Variants in MARK2 observed in about 807,000 individuals in gnomAD.
MARK2 encodes the protein serine/threonine-protein kinase MARK2.
A neutral mutation model predicts 89.8 loss-of-function variants in MARK2; 16 were observed. That is an observed-to-expected ratio of 0.18 (90% CI 0.12 to 0.27). The LOEUF (loss-of-function observed/expected upper bound fraction) is 0.27. Ranked by LOEUF, MARK2 falls within the 10% of genes least tolerant of loss-of-function variation. The pLI is 1.00. For synonymous variants in MARK2, 382 were observed against 399.5 expected, an observed-to-expected ratio of 0.96 and a Z score of 0.52; for missense variants, 621 against 1,049.9, an observed-to-expected ratio of 0.59 and a Z score of 5.65.
In MARK2 at chr11:63,909,421, A is replaced by C. The variant is rs1190926133; in HGVS notation, c.*184A>C. 33 of 594,544 alleles carry C rather than the reference A, an allele frequency of 5.6e-5. No individual in the cohort carries two copies. The highest frequency in any genetic ancestry group is 1.9e-4 in the East Asian group (6 of 31,552). 36.8% of individuals were successfully genotyped at this position (594,544 alleles called of 1,614,324 possible). On this transcript the variant is annotated 3_prime_UTR_variant, in exon 19 of 19. Coordinates refer to ENST00000402010, the MANE Select transcript of MARK2 (RefSeq NM_001039469.3). ...TGTGGGGGGTGGGAGATTGTTCTCC[A>C]GCACCCCACATTCACCCCTGCCCAG...
At chr11:63,849,386 C>T (rs564236820) in intron 1 of MARK2, among the ~76,000 whole-genome samples, 2 of 152,324 alleles carry the variant, frequency 1.3e-5, no homozygotes, top group Non-Finnish European at 2.9e-5. Flanking sequence ...GAGCTTATGG[C>T]ACAGCTGAGA....
intron 1 of MARK2, among the ~76,000 whole-genome samples, chr11:63,847,443 G>A (rs972410883): frequency 3.3e-5 from 5 of 152,082 alleles, no homozygotes; most frequent in African/African-American, 1.2e-4. Flanking sequence ...CCACCTTTTT[G>A]GCCTTTTTCT....
intron 1 of MARK2, among the ~76,000 whole-genome samples, chr11:63,848,667 C>T (rs561609385): frequency 5.9e-5 from 9 of 151,942 alleles, no homozygotes; most frequent in African/African-American, 1.7e-4. Flanking sequence ...TCTCCTGCCT[C>T]AGCCTCCCGA....
At chr11:63,858,539 A>T (rs1937592334) in intron 1 of MARK2, among the ~76,000 whole-genome samples, 1 of 151,622 alleles carries the variant, frequency 6.6e-6, no homozygotes, top group Non-Finnish European at 1.5e-5. Context: ...CTTTTAGTAG[A>T]GATAGGGTTT....
intron 1 of MARK2, among the ~76,000 whole-genome samples, chr11:63,862,198 T>C (rs1457139973): frequency 6.6e-6 from 1 of 152,144 alleles, no homozygotes; most frequent in Non-Finnish European, 1.5e-5. Flanking sequence ...GTGCTGGGAT[T>C]ACAGGCATGA....
rs1941134112 is a variant in MARK2, at chr11:63,904,169, GTGCACCTGC to G, written c.1676+26_1676+34del. The G allele has an allele frequency of 6.5e-7, 1 of 1,541,422 alleles. No individual in the cohort carries two copies. The highest frequency in any genetic ancestry group is 8.7e-7 in the Non-Finnish European group (1 of 1,149,780). On this transcript the variant is annotated intron_variant, in intron 15 of 18. Coordinates refer to ENST00000402010, the MANE Select transcript of MARK2 (RefSeq NM_001039469.3). The surrounding 1 kb of genome is among the most constrained non-coding windows in gnomAD (Gnocchi z 6.3). ...CCAGGCAAGTGTGCTGGGGCAGCTG[GTGCACCTGC>G]TGCCCTCAGCCCACCCTACCCCCTT... is the stretch of plus-strand genomic sequence containing the variant.
At chr11:63,852,101 C>A (rs1363685818) in intron 1 of MARK2, among the ~76,000 whole-genome samples, 1 of 152,202 alleles carries the variant, frequency 6.6e-6, no homozygotes, top group African/African-American at 2.4e-5. Context: ...CACCAGTATA[C>A]AGTGGCATTT....
At chr11:63,866,573 T>C (rs529971052) in intron 1 of MARK2, among the ~76,000 whole-genome samples, 85 of 152,340 alleles carry the variant, frequency 5.6e-4, no homozygotes, top group African/African-American at 1.9e-3. Context: ...GAACTCCCAG[T>C]TTCACATTCA....
rs11231610 is a variant in MARK2 at position 63,849,668 on chromosome 11, A to G, written c.54+10108A>G. On this transcript the variant is annotated intron_variant, in intron 1 of 18. Transcript: ENST00000402010. ...CTCGGAAGGCTGAGGCACAAGAATCACTTGAATCTGGGAGGTGGAGGTTGC... is the reference window on the plus strand; with the variant it reads ...CTCGGAAGGCTGAGGCACAAGAATCGCTTGAATCTGGGAGGTGGAGGTTGC... 7.2e-5 allele frequency among the ~76,000 whole-genome samples: 11 copies of G among 152,266 alleles called. No homozygotes were observed. In the East Asian group the frequency reaches 2.1e-3, roughly 29 times the overall value.
At chr11:63,855,720 G>A (rs1352796812) in intron 1 of MARK2, among the ~76,000 whole-genome samples, 2 of 152,136 alleles carry the variant, frequency 1.3e-5, no homozygotes, top group African/African-American at 2.4e-5. Flanking sequence ...ATGTCTCTGT[G>A]AAGTGAGATT....
intron 1 of MARK2, among the ~76,000 whole-genome samples, chr11:63,854,777 C>G (rs1023137793): frequency 6.8e-6 from 1 of 147,564 alleles, no homozygotes; most frequent in Non-Finnish European, 1.5e-5. Flanking sequence ...CACCATTGCA[C>G]TCTAGCCTGG....
chr11:63,868,781 G>A (rs921994318), intron 1 of MARK2: 2 of 455,924 alleles, frequency 4.4e-6, no homozygotes, highest in African/African-American at 4.0e-5. Context: ...CACTAGTGTT[G>A]GGAATATTGT....
chr11:63,894,730 G>T (rs1287663758), intron 1 of MARK2, among the ~76,000 whole-genome samples: 1 of 152,164 alleles, frequency 6.6e-6, no homozygotes, highest in Non-Finnish European at 1.5e-5. Context: ...AAAGGTTCAT[G>T]TAAGTTTTGG....
At position 63,845,509 on chromosome 11, in the gene MARK2, T is replaced by C. The variant is rs1230925061; in HGVS notation, c.54+5949T>C. 2.6e-5 allele frequency among the ~76,000 whole-genome samples: 4 copies of C among 152,168 alleles called. No homozygotes were observed. The East Asian group carries it at 5.8e-4, about 22-fold the overall frequency. On this transcript the variant is annotated intron_variant, in intron 1 of 18. Transcript: ENST00000402010. ...GCCTCCTCCCAGCTTTCATCAAACA[T>C]GAGTGAGTCACTGAAGTGTTGTCTA... is the stretch of plus-strand genomic sequence containing the variant.
rs747625941 is a variant in MARK2, at chr11:63,899,915, T to C, written c.573T>C (p.Ile191=). 5 of 1,614,210 alleles carry C rather than the reference T, an allele frequency of 3.1e-6. No homozygotes were observed. The highest frequency in any genetic ancestry group is 4.2e-6 in the Non-Finnish European group (5 of 1,180,040). Residue 191 remains isoleucine, a synonymous_variant, in exon 8 of 19, where the codon ATT becomes ATC. Transcript: ENST00000402010. The part of the protein sequence containing the change: ...LLLDADMNIK[I]ADFGFSNEFT... Reference sequence around the variant, plus strand: ...TGGATGCTGATATGAACATCAAGATTGCAGACTTTGGCTTCAGCAATGAAT... The same window carrying C: ...TGGATGCTGATATGAACATCAAGATCGCAGACTTTGGCTTCAGCAATGAAT...
intron 6 of MARK2, 86 bp from the exon 7 acceptor site, chr11:63,898,966 G>A: frequency 4.1e-6 from 5 of 1,227,972 alleles, no homozygotes; most frequent in Non-Finnish European, 4.8e-6. Context: ...TGGCAGGTTA[G>A]CACTAAGTCA....
chr11:63,886,797 T>G (rs1939426300), intron 1 of MARK2, among the ~76,000 whole-genome samples: 1 of 152,218 alleles, frequency 6.6e-6, no homozygotes, highest in South Asian at 2.1e-4. Context: ...TGCTTTGTAT[T>G]TCCTCAGTTT....
intron 1 of MARK2, among the ~76,000 whole-genome samples, chr11:63,871,243 C>G (rs1303420787): frequency 6.6e-6 from 1 of 152,216 alleles, no homozygotes; most frequent in African/African-American, 2.4e-5. Context: ...GGTGCTCCCC[C>G]CACCGCCATG....
rs141607642 is a variant in MARK2 at position 63,891,644 on chromosome 11, C to T, written c.55-3515C>T. Among the ~76,000 whole-genome samples the T allele has an allele frequency of 9.4e-3, 1,439 of 152,358 alleles. 12 individuals carry two copies. The highest frequency in any genetic ancestry group is 0.016 in the Non-Finnish European group (1,065 of 68,042). ...TCCTGCTGCCTTGGGCTTATATCCT[C>T]GGAGAAACAGGGAGTGACAACAAAC... On this transcript the variant is annotated intron_variant, in intron 1 of 18. Transcript: ENST00000402010.
Sources: allele counts gnomAD v4.1 joint callset (sites outside exome capture counted in the v4.1 genomes callset), GRCh38; gene constraint gnomAD v4.1.1; non-coding constraint Gnocchi (gnomAD v3.1); transcripts MANE v1.5; gene names NCBI Gene and HGNC (gene_info 2026-07-23, HGNC 2026-07-21).